The following NFYC variants were observed in gnomAD, a reference collection of about 807,000 sequenced individuals.
NFYC encodes nuclear transcription factor Y subunit gamma.
In NFYC, 25 loss-of-function variants were observed where a neutral mutation model predicts 53.1. The observed-to-expected ratio is 0.47, with a 90% CI of 0.34 to 0.66. The LOEUF (loss-of-function observed/expected upper bound fraction) is 0.66, where lower values mean the gene tolerates loss of function less well. NFYC is among the 30% of genes least tolerant of loss of function. The pLI, the probability that NFYC is intolerant of heterozygous loss-of-function variation, is 0.01. For missense variants in NFYC, 260 were observed against 422.7 expected (o/e 0.62, Z 3.38); for synonymous variants, 145 against 152.6 (o/e 0.95, Z 0.37).
intron 1 of NFYC, among the ~76,000 whole-genome samples, chr1:40,704,407 G>T (rs573340459): frequency 6.6e-6 from 1 of 152,278 alleles, no homozygotes; most frequent in East Asian, 1.9e-4. Context: ...AGATGCAGTT[G>T]TCTGGTGTAG....
chr1:40,750,182 C>T (rs1273571012), intron 4 of NFYC, among the ~76,000 whole-genome samples: 2 of 151,522 alleles, frequency 1.3e-5, no homozygotes, highest in Non-Finnish European at 2.9e-5. Context: ...TTTAACCTAG[C>T]GAATTCACAT....
intron 1 of NFYC, among the ~76,000 whole-genome samples, chr1:40,731,117 A>C (rs1644750278): frequency 6.6e-6 from 1 of 152,072 alleles, no homozygotes; most frequent in South Asian, 2.1e-4. Flanking sequence ...TTGTGCCCTG[A>C]ACTGTTGGGA....
chr1:40,766,757 C>T, intron 8 of NFYC, 54 bp downstream of exon 8: 5 of 1,570,960 alleles, frequency 3.2e-6, no homozygotes, highest in Non-Finnish European at 4.4e-6. Context: ...CAGATGGCTT[C>T]TGACAGGAAA....
At chr1:40,767,084 T>C in intron 8 of NFYC, 1 of 1,079,272 alleles carries the variant, frequency 9.3e-7, no homozygotes, top group Non-Finnish European at 1.4e-6. Context: ...CCTGTGCTCT[T>C]TGGAAAGCTT....
chr1:40,711,067 CA>C (rs1268661884), intron 1 of NFYC, among the ~76,000 whole-genome samples: 1 of 152,106 alleles, frequency 6.6e-6, no homozygotes, highest in East Asian at 1.9e-4. Context: ...CTCCCCCCAG[CA>C]AAAAATTCTA....
chr1:40,725,471 T>G (rs1347411082), intron 1 of NFYC, among the ~76,000 whole-genome samples: 3 of 152,232 alleles, frequency 2.0e-5, no homozygotes, highest in African/African-American at 7.2e-5. Flanking sequence ...AAATTGTCAA[T>G]TTTAGATTGG....
At chr1:40,720,559 A>T (rs1644292236) in intron 1 of NFYC, among the ~76,000 whole-genome samples, 1 of 152,154 alleles carries the variant, frequency 6.6e-6, no homozygotes, top group Non-Finnish European at 1.5e-5. Context: ...GAGGCCAAGG[A>T]TACTTGGGGT....
intron 6 of NFYC, among the ~76,000 whole-genome samples, chr1:40,761,357 C>T (rs1646536008): frequency 6.6e-6 from 1 of 152,138 alleles, no homozygotes; most frequent in South Asian, 2.1e-4. Context: ...TGTGCTGTGT[C>T]ACACCTCCCT....
intron 1 of NFYC, chr1:40,723,696 C>T (rs1319386903): frequency 2.0e-5 from 3 of 152,020 alleles, no homozygotes; most frequent in African/African-American, 7.3e-5. Flanking sequence ...CAGGATCTTG[C>T]TCTGCTGTTC....
chr1:40,749,695 G>A lies in NFYC; in HGVS notation c.291+9G>A. ...AGCGCCGGACTCTACAGGTATTATT[G>A]CAGACTTAGATTAGGAAAACTGGGG... On this transcript the variant is annotated intron_variant, in intron 4 of 9. Transcript: ENST00000447388. 1 of 1,610,462 alleles carries A rather than the reference G, an allele frequency of 6.2e-7. No homozygotes were observed. Among genetic ancestry groups the A allele is most frequent in the Non-Finnish European group, 8.5e-7 (1 of 1,176,724 alleles).
chr1:40,742,511 G>C (rs1221973123), intron 2 of NFYC, among the ~76,000 whole-genome samples: 3 of 152,120 alleles, frequency 2.0e-5, no homozygotes, highest in African/African-American at 7.2e-5. Context: ...ATTCAGTTTT[G>C]GTTCAAGTTT....
At chr1:40,711,998 A>G (rs1211575436) in intron 1 of NFYC, among the ~76,000 whole-genome samples, 2 of 152,216 alleles carry the variant, frequency 1.3e-5, no homozygotes, top group African/African-American at 4.8e-5. Flanking sequence ...GAACCTAAAA[A>G]TAGTGTCTGA....
Position 40,770,145 on chromosome 1 carries a change from G to A in NFYC, c.889-564G>A, listed in dbSNP as rs902759817. Among the ~76,000 whole-genome samples the A allele has an allele frequency of 6.6e-6, 1 of 152,214 alleles. No homozygotes were observed. The highest frequency in any genetic ancestry group is 1.5e-5 in the Non-Finnish European group (1 of 68,034). On this transcript the variant is annotated intron_variant, in intron 9 of 9. Transcript: ENST00000447388. This position sits in a 1 kb window ranked among gnomAD's most constrained non-coding sequence, Gnocchi z 5.3. ...TTAGCCCTGACCTTCCTAAGTGGCT[G>A]TGTGAGTATCTTCTCCACCCCTGGA...
chr1:40,709,945 G>A (rs1643882188), intron 1 of NFYC, among the ~76,000 whole-genome samples: 1 of 152,196 alleles, frequency 6.6e-6, no homozygotes, highest in Non-Finnish European at 1.5e-5. Flanking sequence ...GCTTTCCTAC[G>A]GAATAAGCTG....
chr1:40,708,542 G>A (rs1162623737), intron 1 of NFYC, among the ~76,000 whole-genome samples: 1 of 152,076 alleles, frequency 6.6e-6, no homozygotes, highest in East Asian at 1.9e-4. Flanking sequence ...TTCCTTCTTA[G>A]GTTCCTGGTT....
intron 1 of NFYC, among the ~76,000 whole-genome samples, chr1:40,723,432 G>A (rs1644397607): frequency 1.3e-5 from 2 of 152,138 alleles, no homozygotes; most frequent in South Asian, 4.1e-4. Context: ...CGTTAGGCTG[G>A]AGGGTCAGAG....
rs188121842 is a variant in NFYC at position 40,763,710 on chromosome 1, G to A, written c.720+664G>A. ...TTTGTTTTTAACCTATATGCCCAGT[G>A]TTCCTGACCACAACTTGCTTCACTG... On this transcript the variant is annotated intron_variant, in intron 7 of 9. Transcript: ENST00000447388. Among the ~76,000 whole-genome samples the A allele has an allele frequency of 3.4e-4, 52 of 152,256 alleles. No homozygotes were observed. In the East Asian group the frequency reaches 6.6e-3, roughly 19 times the overall value.
intron 1 of NFYC, chr1:40,735,626 C>G: frequency 1.0e-6 from 1 of 985,362 alleles, no homozygotes; most frequent in Non-Finnish European, 1.2e-6. Context: ...CTAAACCTAC[C>G]CATCCATTAG....
chr1:40,743,551 C>T (rs1214187886), intron 2 of NFYC, among the ~76,000 whole-genome samples: 1 of 152,238 alleles, frequency 6.6e-6, no homozygotes, highest in Non-Finnish European at 1.5e-5. Flanking sequence ...TCAGCCTTCA[C>T]TTAACTGTAA....
Sources: allele counts gnomAD v4.1 joint callset (sites outside exome capture counted in the v4.1 genomes callset), GRCh38; gene constraint gnomAD v4.1.1; non-coding constraint Gnocchi (gnomAD v3.1); transcripts MANE v1.5; gene names NCBI Gene and HGNC (gene_info 2026-07-23, HGNC 2026-07-21).